Variants in MYOF observed in about 807,000 individuals in gnomAD.
MYOF encodes the protein myoferlin, also known as fer-1-like 3, myoferlin.
A neutral mutation model predicts 284.2 loss-of-function variants in MYOF; 244 were observed. The observed-to-expected ratio is 0.86, with a 90% confidence interval of 0.77 to 0.95. MYOF has a LOEUF of 0.95. Among genes scored for constraint, MYOF ranks in the 40% least tolerant of loss-of-function variants. The pLI, the probability that MYOF is intolerant of heterozygous loss-of-function variation, is 0.00. For missense variants in MYOF, 2,496 were observed against 2,560.6 expected (o/e 0.97, Z 0.54); for synonymous variants, 904 against 919.7 (o/e 0.98, Z 0.31).
intron 3 of MYOF, among the ~76,000 whole-genome samples, chr10:93,441,279 T>G (rs2056241756): frequency 6.6e-6 from 1 of 152,224 alleles, no homozygotes; most frequent in Non-Finnish European, 1.5e-5. Flanking sequence ...TACTAGGGAA[T>G]GAAAAACGTC....
chr10:93,451,081 T>C (rs1241737589), intron 3 of MYOF, among the ~76,000 whole-genome samples: 2 of 152,152 alleles, frequency 1.3e-5, no homozygotes, highest in Non-Finnish European at 2.9e-5. Flanking sequence ...AGCTCACACC[T>C]GTAGTTCCAG....
chr10:93,458,381 A>G (rs2056794560), intron 1 of MYOF, among the ~76,000 whole-genome samples: 2 of 151,904 alleles, frequency 1.3e-5, no homozygotes, highest in Non-Finnish European at 2.9e-5. Flanking sequence ...TAGGAGGTAT[A>G]TATTACTATT....
At chr10:93,326,247 G>A (rs779604477) in intron 45 of MYOF, among the ~76,000 whole-genome samples, 1 of 152,210 alleles carries the variant, frequency 6.6e-6, no homozygotes, top group African/African-American at 2.4e-5. Flanking sequence ...TCTGTGGCAC[G>A]AGCTCATGGC....
At chr10:93,452,013 A>G (rs749365386) in intron 3 of MYOF, 37 bp downstream of exon 3, 1 of 1,385,970 alleles carries the variant, frequency 7.2e-7, no homozygotes, top group East Asian at 2.3e-5. Context: ...TGAGATAGTA[A>G]TACCTAAAAT....
intron 5 of MYOF, among the ~76,000 whole-genome samples, chr10:93,420,534 G>T (rs1238965908): frequency 6.6e-6 from 1 of 152,164 alleles, no homozygotes; most frequent in Non-Finnish European, 1.5e-5. Flanking sequence ...CCTTAAAAAA[G>T]AAGCCCTCAG....
chr10:93,438,362 T>A (rs1479637598), intron 3 of MYOF, among the ~76,000 whole-genome samples: 1 of 152,068 alleles, frequency 6.6e-6, no homozygotes, highest in African/African-American at 2.4e-5. Context: ...ACTGAATAAT[T>A]CTTTCTCAAC....
rs146497741 is a variant in MYOF at position 93,420,736 on chromosome 10, G to C, written c.433+5335C>G. ...GGCAGTGGTTATCTCAGGAGGATGG[G>C]ACGCAGAGATTTTCACTTTCCGTGT... On this transcript the variant is annotated intron_variant, in intron 5 of 53. Coordinates refer to ENST00000359263, the MANE Select transcript of MYOF (RefSeq NM_013451.4). Among the ~76,000 whole-genome samples, 585 of 152,250 alleles carry C rather than the reference G, an allele frequency of 3.8e-3. 1 individual carries two copies. The highest frequency in any genetic ancestry group is 0.013 in the African/African-American group (557 of 41,542).
intron 35 of MYOF, 63 bp downstream of exon 35, chr10:93,351,134 A>AAGATTCC: frequency 6.6e-7 from 1 of 1,514,240 alleles, no homozygotes; most frequent in Non-Finnish European, 9.1e-7. Flanking sequence ...TTCTATACAA[A>AAGATTCC]AGATTCCTGT....
chr10:93,394,062 T>C (rs1266191968), intron 16 of MYOF, among the ~76,000 whole-genome samples: 1 of 152,202 alleles, frequency 6.6e-6, no homozygotes, highest in Non-Finnish European at 1.5e-5. Context: ...TTCTACCATT[T>C]GCTTAAAATA....
chr10:93,455,527 G>A (rs1240924096), intron 2 of MYOF, among the ~76,000 whole-genome samples: 3 of 151,696 alleles, frequency 2.0e-5, no homozygotes, highest in Admixed American at 2.0e-4. Flanking sequence ...AATTAGTTGG[G>A]TGTGGTGCAC....
Position 93,341,877 on chromosome 10 carries a change from C to T in MYOF, c.4327-1713G>A, listed in dbSNP as rs1486049301. On this transcript the variant is annotated intron_variant, in intron 38 of 53. Coordinates refer to ENST00000359263, the MANE Select transcript of MYOF (RefSeq NM_013451.4). The stretch of plus-strand genomic sequence containing the variant: ...AGTCTTTAGGCCAAGGTCCCACAGT[C>T]CCAGGCAGCCTCATGCATTTGCTTA... 5.5e-6 allele frequency: 7 copies of T among 1,281,078 alleles called. No homozygotes were observed. In the South Asian group the frequency reaches 6.2e-5, roughly 11 times the overall value. 79.4% of individuals were successfully genotyped at this position (1,281,078 alleles called of 1,614,324 possible).
chr10:93,322,548 G>C (rs895902600), intron 48 of MYOF, among the ~76,000 whole-genome samples: 3 of 152,342 alleles, frequency 2.0e-5, no homozygotes, highest in East Asian at 1.9e-4. Context: ...AGGCAAGTAA[G>C]AGAATATTGA....
At chr10:93,399,601 C>T (rs1847180674) in intron 12 of MYOF, 106 bp from the exon 13 acceptor site, 6 of 728,364 alleles carry the variant, frequency 8.2e-6, no homozygotes, top group Non-Finnish European at 1.4e-5. Flanking sequence ...AGGCTAGGCG[C>T]AGTGGCTCAT....
At chr10:93,333,712 T>A (rs1186230671) in intron 42 of MYOF, 46 bp downstream of exon 42, 2 of 1,600,666 alleles carry the variant, frequency 1.2e-6, no homozygotes, top group Non-Finnish European at 1.7e-6. Flanking sequence ...GGCTGATGAC[T>A]GTAATTATCT....
At chr10:93,406,832 G>A (rs1268859135) in intron 7 of MYOF, among the ~76,000 whole-genome samples, 1 of 151,488 alleles carries the variant, frequency 6.6e-6, no homozygotes, top group East Asian at 1.9e-4. Context: ...TTTCTTTTCT[G>A]AATAAAGAAG....
chr10:93,310,803 C>T (rs1842350160), intron 51 of MYOF, among the ~76,000 whole-genome samples, 160 bp from the exon 52 acceptor site: 1 of 152,164 alleles, frequency 6.6e-6, no homozygotes, highest in Admixed American at 6.5e-5. Context: ...ATTTCCTCTT[C>T]CATGTGTTTC....
intron 25 of MYOF, among the ~76,000 whole-genome samples, chr10:93,367,182 A>C (rs1298978757): frequency 6.6e-6 from 1 of 152,232 alleles, no homozygotes; most frequent in Non-Finnish European, 1.5e-5. Flanking sequence ...TCTGGGAAGC[A>C]GGCTGAATGG....
chr10:93,321,807 G>A (rs1050303574), intron 48 of MYOF, among the ~76,000 whole-genome samples: 2 of 152,150 alleles, frequency 1.3e-5, no homozygotes, highest in African/African-American at 4.8e-5. Context: ...GTATGTATAT[G>A]TATAGCTTGG....
chr10:93,325,218 T>C (rs777374365), intron 46 of MYOF, among the ~76,000 whole-genome samples: 4 of 152,192 alleles, frequency 2.6e-5, no homozygotes, highest in Non-Finnish European at 5.9e-5. Flanking sequence ...AGCTTCCACA[T>C]AGATTATTTT....
Sources: gnomAD v4.1 joint callset for allele counts (sites outside exome capture counted in the v4.1 genomes callset) on GRCh38, gnomAD v4.1.1 for gene constraint, MANE v1.5 for transcripts, NCBI Gene and HGNC (gene_info 2026-07-23, HGNC 2026-07-21) for gene names.